Variants in IQCE observed in about 807,000 individuals in gnomAD.
The protein encoded by IQCE is IQ motif containing E.
In IQCE, 115 loss-of-function variants were observed where a neutral mutation model predicts 96.0. The observed-to-expected ratio is 1.20, with a 90% CI of 1.03 to 1.40. The LOEUF (loss-of-function observed/expected upper bound fraction) is 1.40. Among genes scored for constraint, IQCE ranks in the 40% most tolerant of loss-of-function variants. The pLI is 0.00. For missense variants in IQCE, 1,041 were observed against 909.1 expected (o/e 1.15, Z -1.87); for synonymous variants, 412 against 371.2 (o/e 1.11, Z -1.26).
chr7:2,594,770 C>A lies in IQCE; in HGVS notation c.1350-116C>A, dbSNP rs976577315. 6.6e-6 allele frequency: 5 copies of A among 753,332 alleles called. No individual in the cohort carries two copies. The Middle Eastern group carries it at 8.8e-4, about 133-fold the overall frequency. 46.7% of individuals were successfully genotyped at this position (753,332 alleles called of 1,614,324 possible). On this transcript the variant is annotated intron_variant, in intron 15 of 21. Coordinates refer to ENST00000402050, the MANE Select transcript of IQCE (RefSeq NM_152558.5). ...GAGACATGGCCCCACCAGCTCTCTACAGGCTGCCTGGTGTCCCCCTGTCTC... is the reference window on the plus strand; with the variant it reads ...GAGACATGGCCCCACCAGCTCTCTAAAGGCTGCCTGGTGTCCCCCTGTCTC...
intron 13 of IQCE, 69 bp from the exon 14 acceptor site, chr7:2,589,838 T>C (rs1030911235): frequency 7.2e-5 from 109 of 1,512,802 alleles, no homozygotes; most frequent in Non-Finnish European, 8.9e-5. Flanking sequence ...CAGTGTCTCT[T>C]TTCTGGGTTT....
At chr7:2,597,243 A>C in intron 16 of IQCE, 1 of 413,902 alleles carries the variant, frequency 2.4e-6, no homozygotes, top group Non-Finnish European at 5.0e-6. Flanking sequence ...CTGGGTGATT[A>C]AGGCTGAGAA....
intron 11 of IQCE, among the ~76,000 whole-genome samples, chr7:2,585,811 A>G (rs1022492866): frequency 2.6e-5 from 4 of 152,204 alleles, no homozygotes; most frequent in African/African-American, 9.6e-5. Context: ...GCACATTTGC[A>G]ATTACGGGAC....
intron 8 of IQCE, among the ~76,000 whole-genome samples, chr7:2,578,768 C>G (rs1027998552): frequency 2.0e-5 from 3 of 152,176 alleles, no homozygotes; most frequent in African/African-American, 7.2e-5. Flanking sequence ...GGCGACTTCC[C>G]CCTCACACCT....
chr7:2,576,847 T>A (rs564190526), intron 6 of IQCE, among the ~76,000 whole-genome samples: 1 of 152,252 alleles, frequency 6.6e-6, no homozygotes, highest in Non-Finnish European at 1.5e-5. Context: ...GGATGAGTTT[T>A]ATTGATAAAA....
At position 2,577,871 on chromosome 7, in the gene IQCE, G is replaced by A. The variant is rs866175452; in HGVS notation, c.466-371G>A. On this transcript the variant is annotated intron_variant, in intron 6 of 21. Coordinates refer to ENST00000402050, the MANE Select transcript of IQCE (RefSeq NM_152558.5). ...GGCGTGTGCGTGGCTGTGCGCGCGG[G>A]GACGTGTGTGCGGCGTGCCCGCAGT... Among the ~76,000 whole-genome samples the A allele has an allele frequency of 4.6e-3, 618 of 134,778 alleles. 19 individuals are homozygous for A. Among genetic ancestry groups the A allele is most frequent in the African/African-American group, 0.018 (585 of 33,074 alleles). The allele number at this position is 134,778 out of a possible 152,430, so 88.4% of individuals were successfully genotyped here. A position where few individuals can be genotyped will look rare whatever the true frequency, so the allele number is the denominator to read the frequency against.
chr7:2,567,303 G>A (rs62442597), intron 2 of IQCE, 140 bp downstream of exon 2: 92,514 of 705,330 alleles, frequency 0.13, 7,191 homozygotes, highest in Non-Finnish European at 0.16. Flanking sequence ...GCTCCTTGGT[G>A]TTTGAAAAGT....
chr7:2,601,510 G>T, intron 18 of IQCE, 46 bp downstream of exon 18: 1 of 1,396,714 alleles, frequency 7.2e-7, no homozygotes, highest in South Asian at 1.2e-5. Context: ...TTTGTATTTT[G>T]TTGAAAAGTA....
intron 18 of IQCE, among the ~76,000 whole-genome samples, chr7:2,602,414 C>G (rs985921739): frequency 6.6e-6 from 1 of 152,190 alleles, no homozygotes; most frequent in African/African-American, 2.4e-5. Context: ...AGATGCTCCC[C>G]TCTCCTCTAG....
intron 14 of IQCE, among the ~76,000 whole-genome samples, chr7:2,590,617 T>A (rs1045062530): frequency 1.3e-5 from 2 of 151,948 alleles, no homozygotes; most frequent in African/African-American, 4.8e-5. Context: ...ATTTCTTAAA[T>A]TAACTGGGCG....
At chr7:2,568,527 T>C (rs1781541371) in intron 2 of IQCE, among the ~76,000 whole-genome samples, 1 of 152,214 alleles carries the variant, frequency 6.6e-6, no homozygotes, top group African/African-American at 2.4e-5. Flanking sequence ...GGTCTCCCTT[T>C]GCTCGGCTTT....
chr7:2,589,959 C>T lies in IQCE; in HGVS notation c.1097C>T (p.Ser366Leu), dbSNP rs367705543. The change falls in exon 14 of 22, where the codon TCA becomes TTA. Residue 366 changes from serine to leucine, a missense_variant. Transcript: ENST00000402050. ...SKSHAAEPVR[S>L]HPPACLASSS... is the part of the protein sequence containing the mutation. ...TCACACGCCGCAGAGCCAGTCAGAT[C>T]ACACCCGCCAGCCTGCCTTGCATCC... The T allele has an allele frequency of 1.5e-5, 25 of 1,613,834 alleles. No individual in the cohort carries two copies. The highest frequency in any genetic ancestry group is 1.9e-5 in the Non-Finnish European group (23 of 1,180,036).
In IQCE at chr7:2,610,142, A is replaced by G. The variant is rs747842973; in HGVS notation, c.2068A>G (p.Thr690Ala). ...DDIVIAPSLP[T>A]KNFPV ...TATTGTCATTGCACCGTCTCTGCCCACGAAGAACTTTCCAGTTTAGGTCCC... is the reference window on the plus strand; with the variant it reads ...TATTGTCATTGCACCGTCTCTGCCCGCGAAGAACTTTCCAGTTTAGGTCCC... The change falls in exon 22 of 22, where the codon ACG becomes GCG. Residue 690 changes from threonine (T) to alanine (A), a missense_variant. By Grantham distance (58) the Thr-to-Ala change is moderately conservative. Transcript: ENST00000402050. 6.2e-7 allele frequency: 1 copy of G among 1,609,904 alleles called. No individual in the cohort carries two copies. Among genetic ancestry groups the G allele is most frequent in the Non-Finnish European group, 8.5e-7 (1 of 1,176,130 alleles).
rs540425829 is a variant in IQCE at position 2,608,781 on chromosome 7, G to T, written c.1970-1263G>T. Among the ~76,000 whole-genome samples the T allele has an allele frequency of 7.9e-5, 12 of 152,318 alleles. No homozygotes were observed. In the East Asian group the frequency reaches 2.3e-3, roughly 29 times the overall value. Reference sequence around the variant, plus strand: ...CGCAAGTTCATCCCCGTGACCCAGGGATTCAGCTTTATTGACCTAAGGAAA... The same window carrying T: ...CGCAAGTTCATCCCCGTGACCCAGGTATTCAGCTTTATTGACCTAAGGAAA... On this transcript the variant is annotated intron_variant, in intron 21 of 21. Transcript: ENST00000402050.
At chr7:2,595,748 C>T (rs1416952216) in intron 16 of IQCE, among the ~76,000 whole-genome samples, 2 of 128,048 alleles carry the variant, frequency 1.6e-5, no homozygotes, top group African/African-American at 3.1e-5. Context: ...CCTGGAGGGT[C>T]GCAGCCATGC....
At chr7:2,594,302 TCTGA>T (rs1783847651) in intron 15 of IQCE, among the ~76,000 whole-genome samples, 1 of 152,124 alleles carries the variant, frequency 6.6e-6, no homozygotes, top group African/African-American at 2.4e-5. Context: ...TCAGGAGAAA[TCTGA>T]CTGAATTCTG....
At chr7:2,561,682 AAGTGCTG>A (rs1422661253) in intron 1 of IQCE, among the ~76,000 whole-genome samples, 1 of 152,174 alleles carries the variant, frequency 6.6e-6, no homozygotes, top group East Asian at 1.9e-4. Flanking sequence ...TGGCCTCCCA[AAGTGCTG>A]GGATTACTGG....
chr7:2,593,258 T>C, intron 15 of IQCE, 132 bp downstream of exon 15: 1 of 1,367,500 alleles, frequency 7.3e-7, no homozygotes, highest in Non-Finnish European at 9.8e-7. Context: ...TCACAGTCTT[T>C]CATGGTTTTC....
chr7:2,603,989 CTTT>C (rs11427354), intron 18 of IQCE, among the ~76,000 whole-genome samples: 45 of 125,886 alleles, frequency 3.6e-4, no homozygotes, highest in Middle Eastern at 8.0e-3. Context: ...GCTTCCCTGT[CTTT>C]TTTTTTTTTT....
Sources: gnomAD v4.1 joint callset for allele counts (sites outside exome capture counted in the v4.1 genomes callset) on GRCh38, gnomAD v4.1.1 for gene constraint, MANE v1.5 for transcripts, NCBI Gene and HGNC (gene_info 2026-07-23, HGNC 2026-07-21) for gene names.